The following SNAPC1 variants were observed in gnomAD, a reference collection of about 807,000 sequenced individuals.
SNAPC1 encodes snRNA-activating protein complex subunit 1.
In SNAPC1, 42 loss-of-function variants were observed where a neutral mutation model predicts 50.1. That is an observed-to-expected ratio of 0.84 (90% confidence interval 0.65 to 1.08). The LOEUF (loss-of-function observed/expected upper bound fraction) is 1.08, where lower values mean the gene tolerates loss of function less well. Among genes scored for constraint, SNAPC1 ranks in the 50% least tolerant of loss-of-function variants. The probability of loss-of-function intolerance (pLI) is 0.00; values close to 1 mark genes in which losing one functional copy is unlikely to be tolerated. For synonymous variants in SNAPC1, 164 were observed against 144.2 expected, an observed-to-expected ratio of 1.14 and a Z score of -0.98; for missense variants, 477 against 427.3, an observed-to-expected ratio of 1.12 and a Z score of -1.02.
chr14:61,790,454 G>C (rs1347974837), intron 8 of SNAPC1, among the ~76,000 whole-genome samples: 1 of 152,142 alleles, frequency 6.6e-6, no homozygotes, highest in Non-Finnish European at 1.5e-5. Flanking sequence ...TTCTGCCTCA[G>C]CCTCCCCACT....
chr14:61,767,035 G>A lies in SNAPC1; in HGVS notation c.288G>A (p.Lys96=). 1 of 1,528,152 alleles carries A rather than the reference G, an allele frequency of 6.5e-7. No individual in the cohort carries two copies. The highest frequency in any genetic ancestry group is 1.4e-5 in the South Asian group (1 of 71,214). The allele number at this position is 1,528,152 out of a possible 1,614,324, so 94.7% of individuals were successfully genotyped here. A position where few individuals can be genotyped will look rare whatever the true frequency, so the allele number is the denominator to read the frequency against. Residue 96 remains lysine (K), a splice_region_variant and synonymous_variant, in exon 2 of 10, where the codon AAG becomes AAA. Coordinates refer to ENST00000216294, the MANE Select transcript of SNAPC1 (RefSeq NM_003082.4). Reference sequence around the variant, plus strand: ...CCCAACTGTGTCAACCAAAACAAAAGGTAATACTTAGTGAGTTATTTTTCC... The same window carrying A: ...CCCAACTGTGTCAACCAAAACAAAAAGTAATACTTAGTGAGTTATTTTTCC... ...YNTQLCQPKQ[K]IRVALKDWDE...
intron 8 of SNAPC1, among the ~76,000 whole-genome samples, chr14:61,784,183 A>C (rs564520898): frequency 6.6e-6 from 1 of 152,350 alleles, no homozygotes; most frequent in Admixed American, 6.5e-5. Context: ...AAATAGTTCA[A>C]AAGGAGATTT....
chr14:61,776,847 A>G (rs753587621), intron 5 of SNAPC1, among the ~76,000 whole-genome samples: 5 of 152,210 alleles, frequency 3.3e-5, no homozygotes, highest in African/African-American at 4.8e-5. Flanking sequence ...AAGTCTCATC[A>G]ACACAGATCT....
intron 3 of SNAPC1, among the ~76,000 whole-genome samples, 184 bp downstream of exon 3, chr14:61,767,536 T>A (rs1052092566): frequency 1.3e-5 from 2 of 152,000 alleles, no homozygotes; most frequent in Admixed American, 1.3e-4. Flanking sequence ...CCATCTCGGC[T>A]GACTGCAACC....
intron 9 of SNAPC1, among the ~76,000 whole-genome samples, chr14:61,793,222 C>T (rs1234379936): frequency 1.3e-5 from 2 of 152,122 alleles, no homozygotes; most frequent in Admixed American, 6.6e-5. Context: ...TGCTCTCTTC[C>T]AGGAATTTGT....
At chr14:61,790,612 C>T (rs2045145242) in intron 8 of SNAPC1, among the ~76,000 whole-genome samples, 2 of 152,202 alleles carry the variant, frequency 1.3e-5, no homozygotes, top group Non-Finnish European at 2.9e-5. Flanking sequence ...GCTGAGATTA[C>T]AGGCGCAAGC....
At chr14:61,791,047 G>C (rs2045148776) in intron 8 of SNAPC1, among the ~76,000 whole-genome samples, 1 of 152,104 alleles carries the variant, frequency 6.6e-6, no homozygotes, top group African/African-American at 2.4e-5. Flanking sequence ...GTCTTGCTCT[G>C]TCGCCCAGAG....
chr14:61,777,499 T>G (rs947886606), intron 5 of SNAPC1, among the ~76,000 whole-genome samples: 2 of 152,184 alleles, frequency 1.3e-5, no homozygotes, highest in Non-Finnish European at 2.9e-5. Context: ...CACCTCAGCC[T>G]TCAGTGTAAC....
In SNAPC1 at chr14:61,789,689, T is replaced by C. The variant is rs1246226117; in HGVS notation, c.977-3118T>C. Reference sequence around the variant, plus strand: ...AGGCTGGATTGTAAAGGGGATATGTTGGGGAGTTAAATGTTAAAAGTGCTG... The same window carrying C: ...AGGCTGGATTGTAAAGGGGATATGTCGGGGAGTTAAATGTTAAAAGTGCTG... On this transcript the variant is annotated intron_variant, in intron 8 of 9. Coordinates refer to ENST00000216294, the MANE Select transcript of SNAPC1 (RefSeq NM_003082.4). Among the ~76,000 whole-genome samples, 5 of 152,078 alleles carry C rather than the reference T, an allele frequency of 3.3e-5. No individual in the cohort carries two copies. In the East Asian group the frequency reaches 7.7e-4, roughly 23 times the overall value.
At chr14:61,778,353 G>A (rs113218791) in intron 6 of SNAPC1, among the ~76,000 whole-genome samples, 1 of 152,232 alleles carries the variant, frequency 6.6e-6, no homozygotes, top group Non-Finnish European at 1.5e-5. Context: ...GGAAAGGAAA[G>A]CTTGACTATG....
At chr14:61,773,845 C>T (rs1370903679) in intron 4 of SNAPC1, among the ~76,000 whole-genome samples, 1 of 151,504 alleles carries the variant, frequency 6.6e-6, no homozygotes. Context: ...GTAGCTCGGA[C>T]AACAGGCACC....
chr14:61,780,553 A>G (rs1252797214), intron 7 of SNAPC1, among the ~76,000 whole-genome samples: 1 of 152,104 alleles, frequency 6.6e-6, no homozygotes, highest in Non-Finnish European at 1.5e-5. Flanking sequence ...TTGTTTGTTG[A>G]ATTAATTTTC....
intron 7 of SNAPC1, among the ~76,000 whole-genome samples, chr14:61,781,467 A>G (rs1303320469): frequency 6.7e-6 from 1 of 149,858 alleles, no homozygotes; most frequent in Non-Finnish European, 1.5e-5. Context: ...AAAAAAAAAA[A>G]AAGGACAGAA....
At position 61,791,239 on chromosome 14, in the gene SNAPC1, T is replaced by A. The variant is rs538859082; in HGVS notation, c.977-1568T>A. On this transcript the variant is annotated intron_variant, in intron 8 of 9. Coordinates refer to ENST00000216294, the MANE Select transcript of SNAPC1 (RefSeq NM_003082.4). ...GTTGGCCAGACTGGTCTCGAACTCC[T>A]GACCTTGTGATCCACCCACCTCAGC... Among the ~76,000 whole-genome samples the A allele has an allele frequency of 7.2e-4, 110 of 152,066 alleles. 4 individuals carry two copies. The South Asian group carries it at 0.022, about 31-fold the overall frequency.
intron 4 of SNAPC1, 76 bp from the exon 5 acceptor site, chr14:61,776,019 C>A: frequency 8.8e-7 from 1 of 1,130,670 alleles, no homozygotes; most frequent in Admixed American, 2.8e-5. Context: ...TGGAAGGTGA[C>A]TATTTTGTGT....
chr14:61,765,224 AG>A (rs1461655099), intron 1 of SNAPC1, among the ~76,000 whole-genome samples: 49 of 152,334 alleles, frequency 3.2e-4, no homozygotes, highest in African/African-American at 1.0e-3. Context: ...TTAGCACAGC[AG>A]AACAGTTTCA....
intron 1 of SNAPC1, among the ~76,000 whole-genome samples, chr14:61,764,555 G>A (rs1374210403): frequency 2.0e-5 from 3 of 152,114 alleles, no homozygotes; most frequent in Non-Finnish European, 2.9e-5. Context: ...GGAAATTAAG[G>A]CTTAAAGAGG....
At position 61,778,077 on chromosome 14, in the gene SNAPC1, A is replaced by G; in HGVS notation, c.699A>G (p.Pro233=). ...HQQWHKDRKN[P]SLKSKTNDGE... Reference sequence around the variant, plus strand: ...TATCTTTTTTGCTCTTTTAGAATCCATCCTTAAAGTCAAAAACTAATGATG... The same window carrying G: ...TATCTTTTTTGCTCTTTTAGAATCCGTCCTTAAAGTCAAAAACTAATGATG... Residue 233 remains proline, a synonymous_variant, in exon 6 of 10, where the codon CCA becomes CCG. Transcript: ENST00000216294. The G allele has an allele frequency of 6.3e-7, 1 of 1,581,422 alleles. No homozygotes were observed. Among genetic ancestry groups the G allele is most frequent in the South Asian group, 1.1e-5 (1 of 88,296 alleles).
At chr14:61,789,881 TAGCTGGGA>T (rs1360378575) in intron 8 of SNAPC1, among the ~76,000 whole-genome samples, 12 of 152,102 alleles carry the variant, frequency 7.9e-5, no homozygotes, top group African/African-American at 2.7e-4. Flanking sequence ...GAATGGTAGG[TAGCTGGGA>T]ACAAACTGAA....
Sources: allele counts gnomAD v4.1 joint callset (sites outside exome capture counted in the v4.1 genomes callset), GRCh38; gene constraint gnomAD v4.1.1; transcripts MANE v1.5; gene names NCBI Gene and HGNC (gene_info 2026-07-23, HGNC 2026-07-21).